GALM: variants seen among roughly 807,000 people sequenced by gnomAD.
The protein encoded by GALM is galactose mutarotase.
Under a neutral mutation model 37.4 loss-of-function variants are expected in GALM, and 43 were observed. The observed-to-expected ratio is 1.15, with a 90% confidence interval of 0.90 to 1.48. GALM has a LOEUF of 1.48. Ranked by LOEUF, GALM falls within the 40% of genes most tolerant of loss-of-function variation. GALM has a pLI of 0.00. For synonymous variants in GALM, 199 were observed against 170.6 expected (o/e 1.17, Z -1.30); for missense variants, 456 against 419.1 (o/e 1.09, Z -0.77).
intron 4 of GALM, among the ~76,000 whole-genome samples, chr2:38,723,070 C>A (rs2148455822): frequency 6.6e-6 from 1 of 152,268 alleles, no homozygotes; most frequent in East Asian, 1.9e-4. Flanking sequence ...TGCCTTCATT[C>A]ATCAGTTTTT....
At chr2:38,676,514 G>A (rs1020432037) in intron 2 of GALM, among the ~76,000 whole-genome samples, 1 of 152,206 alleles carries the variant, frequency 6.6e-6, no homozygotes, top group Non-Finnish European at 1.5e-5. Flanking sequence ...TGTAATCCCA[G>A]CACTCTGGGA....
At chr2:38,689,945 G>A (rs771439363) in intron 4 of GALM, 51 bp downstream of exon 4, 7 of 1,074,548 alleles carry the variant, frequency 6.5e-6, no homozygotes, top group East Asian at 5.0e-5. Context: ...ATTGGCTCTC[G>A]AGGCCAAGAA....
At chr2:38,707,132 C>G (rs59082396) in intron 4 of GALM, among the ~76,000 whole-genome samples, 1 of 151,746 alleles carries the variant, frequency 6.6e-6, no homozygotes, top group Non-Finnish European at 1.5e-5. Flanking sequence ...GCTGGGAGAA[C>G]TATGGATTTG....
chr2:38,703,054 T>TATATATA (rs1665951434), intron 4 of GALM, among the ~76,000 whole-genome samples: 13 of 13,954 alleles, frequency 9.3e-4, no homozygotes, highest in African/African-American at 2.6e-3. Flanking sequence ...ATGTGGGATT[T>TATATATA]TATATATATA....
At chr2:38,727,461 G>T (rs1318097807) in intron 4 of GALM, among the ~76,000 whole-genome samples, 2 of 151,998 alleles carry the variant, frequency 1.3e-5, no homozygotes, top group Non-Finnish European at 2.9e-5. Context: ...GGGTGCAGTG[G>T]TTCACGCCTG....
intron 3 of GALM, among the ~76,000 whole-genome samples, chr2:38,683,947 G>C (rs892477173): frequency 6.6e-6 from 1 of 152,126 alleles, no homozygotes; most frequent in Admixed American, 6.5e-5. Context: ...ACTAACTTCA[G>C]GTTTGAAGGT....
At chr2:38,693,643 T>A (rs1665735842) in intron 4 of GALM, among the ~76,000 whole-genome samples, 1 of 152,318 alleles carries the variant, frequency 6.6e-6, no homozygotes, top group South Asian at 2.1e-4. Context: ...AGCTTTATGA[T>A]AATAATAGCT....
chr2:38,694,692 C>T (rs750118146), intron 4 of GALM, among the ~76,000 whole-genome samples: 3 of 151,780 alleles, frequency 2.0e-5, no homozygotes, highest in South Asian at 2.1e-4. Flanking sequence ...GTCAGGAGAT[C>T]GAGACCATCA....
intron 4 of GALM, among the ~76,000 whole-genome samples, chr2:38,725,589 C>T (rs1666470754): frequency 6.6e-6 from 1 of 152,048 alleles, no homozygotes; most frequent in Non-Finnish European, 1.5e-5. Context: ...TGGGCATACA[C>T]CTGTAGTCCT....
At chr2:38,695,930 C>G (rs184222866) in intron 4 of GALM, among the ~76,000 whole-genome samples, 12 of 152,140 alleles carry the variant, frequency 7.9e-5, no homozygotes, top group Admixed American at 7.2e-4. Context: ...AACTCCTGAC[C>G]TCAAGTGATC....
At chr2:38,686,878 T>C (rs560304572) in intron 3 of GALM, among the ~76,000 whole-genome samples, 2 of 152,288 alleles carry the variant, frequency 1.3e-5, no homozygotes, top group African/African-American at 2.4e-5. Flanking sequence ...GGTGTCCTCA[T>C]TGGATGACAT....
At chr2:38,716,758 G>A (rs1254592067) in intron 4 of GALM, among the ~76,000 whole-genome samples, 2 of 152,048 alleles carry the variant, frequency 1.3e-5, no homozygotes, top group South Asian at 2.1e-4. Context: ...GTGGGAGGAT[G>A]GCTTGAGCCC....
At chr2:38,696,255 G>C (rs1665802706) in intron 4 of GALM, among the ~76,000 whole-genome samples, 1 of 151,622 alleles carries the variant, frequency 6.6e-6, no homozygotes, top group South Asian at 2.1e-4. Flanking sequence ...AAGTAGCTGG[G>C]ATTACAGGCA....
chr2:38,698,117 T>A (rs909170679), intron 4 of GALM, among the ~76,000 whole-genome samples: 1 of 152,120 alleles, frequency 6.6e-6, no homozygotes, highest in African/African-American at 2.4e-5. Context: ...CTAATTTTTG[T>A]ATTTTTAGTA....
chr2:38,717,225 G>A (rs1320313954), intron 4 of GALM, among the ~76,000 whole-genome samples: 5 of 151,510 alleles, frequency 3.3e-5, no homozygotes, highest in African/African-American at 7.3e-5. Flanking sequence ...ACCCCAGCCT[G>A]GGCAACAAGA....
chr2:38,695,658 T>G lies in GALM; in HGVS notation c.634+5764T>G, dbSNP rs74720010. 7.2e-3 allele frequency among the ~76,000 whole-genome samples: 1,095 copies of G among 152,296 alleles called. 19 individuals are homozygous for G. The highest frequency in any genetic ancestry group is 0.035 in the Admixed American group (532 of 15,290). On this transcript the variant is annotated intron_variant, in intron 4 of 6. Transcript: ENST00000272252. ...CTCTGCTTTCCACCCCAAATCCTTGTTTATGTGTGTGTGGTTTTGTTTGTT... is the reference window on the plus strand; with the variant it reads ...CTCTGCTTTCCACCCCAAATCCTTGGTTATGTGTGTGTGGTTTTGTTTGTT...
At chr2:38,681,575 T>G (rs529694492) in intron 3 of GALM, 89 bp downstream of exon 3, 1 of 1,123,578 alleles carries the variant, frequency 8.9e-7, no homozygotes, top group African/African-American at 1.5e-5. Flanking sequence ...GTGGAATTGC[T>G]GTGGCAGTGA....
At chr2:38,682,415 G>A (rs1236380524) in intron 3 of GALM, 2 of 260,736 alleles carry the variant, frequency 7.7e-6, no homozygotes, top group Admixed American at 6.9e-5. Flanking sequence ...CAGTCAGCTA[G>A]TAATATCTCA....
chr2:38,685,843 G>C (rs1390111331), intron 3 of GALM, among the ~76,000 whole-genome samples: 1 of 151,982 alleles, frequency 6.6e-6, no homozygotes, highest in Non-Finnish European at 1.5e-5. Context: ...TCAGCCTCTG[G>C]AGTAGCTGGG....
Sources: allele counts gnomAD v4.1 joint callset (sites outside exome capture counted in the v4.1 genomes callset), GRCh38; gene constraint gnomAD v4.1.1; transcripts MANE v1.5; gene names NCBI Gene and HGNC (gene_info 2026-07-23, HGNC 2026-07-21).